ZNF621: variants seen among roughly 807,000 people sequenced by gnomAD.
ZNF621 encodes the protein zinc finger protein 621.
Under a neutral mutation model 12.7 loss-of-function variants are expected in ZNF621, and 6 were observed. The ratio of observed to expected loss-of-function variants is 0.47; its 90% CI spans 0.26 to 0.93. The LOEUF (loss-of-function observed/expected upper bound fraction) is 0.93, where lower values mean the gene tolerates loss of function less well. Among genes scored for constraint, ZNF621 ranks in the 40% least tolerant of loss-of-function variants. The probability of loss-of-function intolerance (pLI) is 0.15; values close to 1 mark genes in which losing one functional copy is unlikely to be tolerated. For missense variants in ZNF621, 474 were observed against 524.0 expected (o/e 0.90, Z 0.93); for synonymous variants, 156 against 190.3 (o/e 0.82, Z 1.48).
chr3:40,532,141 A>G lies in ZNF621; in HGVS notation c.371A>G (p.His124Arg). The change falls in exon 5 of 5, where the codon CAC (histidine) becomes CGC (arginine). Residue 124 changes from histidine (H) to arginine (R), a missense_variant. By Grantham distance (29) the His-to-Arg change is conservative. Coordinates refer to ENST00000339296, the MANE Select transcript of ZNF621 (RefSeq NM_198484.5). ...VGGLLRNVSQHFDFKRKALKQ... is the reference protein window; with the variant it reads ...VGGLLRNVSQRFDFKRKALKQ... ...GGACTTCTCAGGAACGTTTCTCAGC[A>G]CTTTGATTTTAAAAGGAAGGCACTG... 1 of 1,614,210 alleles carries G rather than the reference A, an allele frequency of 6.2e-7. No homozygotes were observed. The highest frequency in any genetic ancestry group is 1.1e-5 in the South Asian group (1 of 91,086).
chr3:40,528,418 A>C (rs1698637812), intron 2 of ZNF621, among the ~76,000 whole-genome samples: 1 of 152,196 alleles, frequency 6.6e-6, no homozygotes, highest in Non-Finnish European at 1.5e-5. Flanking sequence ...GGTTGCTTCC[A>C]AGTTTTGGCG....
intron 2 of ZNF621, 108 bp downstream of exon 2, chr3:40,525,972 T>G (rs1230411801): frequency 1.5e-6 from 2 of 1,303,322 alleles, no homozygotes; most frequent in East Asian, 4.9e-5. Context: ...TTGGCCAAGC[T>G]GTGTTTTCCC....
Position 40,529,367 on chromosome 3 carries a change from T to C in ZNF621, c.73T>C (p.Trp25Arg). ...GGCTGTTTACTTCACCCAGAATCAATGGGCCAGCCTCGACCCTGCGCAGAG... is the reference window on the plus strand; with the variant it reads ...GGCTGTTTACTTCACCCAGAATCAACGGGCCAGCCTCGACCCTGCGCAGAG... ...DVAVYFTQNQ[W>R]ASLDPAQRAL... is the part of the protein sequence containing the mutation. Residue 25 changes from tryptophan (W) to arginine (R), a missense_variant, in exon 3 of 5, where the codon TGG (tryptophan) becomes CGG (arginine). Trp to Arg is a moderately radical substitution (Grantham distance 101). Coordinates refer to ENST00000339296, the MANE Select transcript of ZNF621 (RefSeq NM_198484.5). The C allele has an allele frequency of 6.2e-7, 1 of 1,613,942 alleles. No homozygotes were observed. The highest frequency in any genetic ancestry group is 8.5e-7 in the Non-Finnish European group (1 of 1,179,882).
At position 40,533,211 on chromosome 3, in the gene ZNF621, G is replaced by C. The variant is rs1698781291; in HGVS notation, c.*121G>C. The stretch of plus-strand genomic sequence containing the variant: ...GCTAGAGTGCGGTGGTGTGATCTTG[G>C]CTCACTGCAACCTCCCCCTCCTGGG... On this transcript the variant is annotated 3_prime_UTR_variant, in exon 5 of 5. Coordinates refer to ENST00000339296, the MANE Select transcript of ZNF621 (RefSeq NM_198484.5). 2.8e-6 allele frequency: 4 copies of C among 1,426,674 alleles called. No individual in the cohort carries two copies. The highest frequency in any genetic ancestry group is 2.9e-5 in the African/African-American group (2 of 69,452). 88.4% of individuals were successfully genotyped at this position (1,426,674 alleles called of 1,614,324 possible).
At chr3:40,523,800 A>AAAAAAAAC (rs373747734), upstream of ZNF621, among the ~76,000 whole-genome samples, 51,002 of 147,410 alleles carry the variant, frequency 0.35, 8,804 homozygotes, top group South Asian at 0.4. Context: ...AGCAAAAAAA[A>AAAAAAAAC]AAAAAACAAA....
chr3:40,525,591 G>A, intron 1 of ZNF621, 188 bp from the exon 2 acceptor site: 1 of 620,702 alleles, frequency 1.6e-6, no homozygotes, highest in Non-Finnish European at 2.8e-6. Context: ...GCAGGTGGAA[G>A]ATTGTCCTGA....
intron 2 of ZNF621, among the ~76,000 whole-genome samples, chr3:40,528,944 C>G (rs1231370436): frequency 6.6e-6 from 1 of 152,186 alleles, no homozygotes; most frequent in African/African-American, 2.4e-5. Context: ...TTCTCATTTT[C>G]TTAATGTGTT....
chr3:40,528,856 G>A (rs551896143), intron 2 of ZNF621, among the ~76,000 whole-genome samples: 31 of 152,162 alleles, frequency 2.0e-4, no homozygotes, highest in Non-Finnish European at 4.3e-4. Flanking sequence ...TTCATAAAGA[G>A]TTCTTTGTAC....
upstream of ZNF621, among the ~76,000 whole-genome samples, chr3:40,523,599 A>G (rs1339378662): frequency 9.9e-5 from 15 of 152,160 alleles, 1 homozygote; most frequent in Admixed American, 9.8e-4. Flanking sequence ...ACCCGTCTCT[A>G]CTAAAAATAC....
At chr3:40,529,212 C>T in intron 2 of ZNF621, 107 bp from the exon 3 acceptor site, 1 of 1,376,290 alleles carries the variant, frequency 7.3e-7, no homozygotes, top group Non-Finnish European at 9.9e-7. Context: ...TTACATGGGG[C>T]TCAGAGTTGT....
chr3:40,525,635 G>C, intron 1 of ZNF621, 144 bp from the exon 2 acceptor site: 3 of 680,158 alleles, frequency 4.4e-6, no homozygotes, highest in Non-Finnish European at 5.2e-6. Context: ...GAAGTTTGGG[G>C]CTATCAGCGT....
rs1411113076 is a variant in ZNF621, at chr3:40,539,746, A to G, written c.*6656A>G. 1.3e-5 allele frequency: 2 copies of G among 152,164 alleles called. No homozygotes were observed. The highest frequency in any genetic ancestry group is 1.9e-4 in the East Asian group (1 of 5,190). The allele number at this position is 152,164 out of a possible 1,614,324, so 9.4% of individuals were successfully genotyped here. A position where few individuals can be genotyped will look rare whatever the true frequency, so the allele number is the denominator to read the frequency against. Reference sequence around the variant, plus strand: ...AAAATCATATCATTTAAAAAGCCTGATGATTTAATATTTTTCATAAAGAAA... The same window carrying G: ...AAAATCATATCATTTAAAAAGCCTGGTGATTTAATATTTTTCATAAAGAAA... On this transcript the variant is annotated 3_prime_UTR_variant, in exon 5 of 5. Coordinates refer to ENST00000339296, the MANE Select transcript of ZNF621 (RefSeq NM_198484.5).
chr3:40,530,370 A>G (rs1180259555), intron 4 of ZNF621, 54 bp downstream of exon 4: 15 of 1,429,210 alleles, frequency 1.0e-5, no homozygotes, highest in Non-Finnish European at 9.8e-6. Context: ...CTGGTTTACT[A>G]GGTAAGAAGT....
chr3:40,528,328 T>A (rs1202097846), intron 2 of ZNF621, among the ~76,000 whole-genome samples: 1 of 152,200 alleles, frequency 6.6e-6, no homozygotes, highest in Non-Finnish European at 1.5e-5. Flanking sequence ...GCTTGATAGA[T>A]CGTTTTGTTT....
chr3:40,528,537 A>G (rs1698640134), intron 2 of ZNF621, among the ~76,000 whole-genome samples: 1 of 152,190 alleles, frequency 6.6e-6, no homozygotes, highest in African/African-American at 2.4e-5. Context: ...GCTGGGTTGT[A>G]TGGTAAGAGT....
At position 40,537,955 on chromosome 3, in the gene ZNF621, T is replaced by A. The variant is rs1698908124; in HGVS notation, c.*4865T>A. ...AAGAAGAAACCATCTAGGACTTTCA[T>A]GGAGAAGAGAAGTTAATCCCTGGCT... On this transcript the variant is annotated 3_prime_UTR_variant, in exon 5 of 5. Transcript: ENST00000339296. Among the ~76,000 whole-genome samples, 1 of 152,192 alleles carries A rather than the reference T, an allele frequency of 6.6e-6. No homozygotes were observed. The highest frequency in any genetic ancestry group is 2.1e-4 in the South Asian group (1 of 4,832).
chr3:40,530,635 G>A (rs1056223057), intron 4 of ZNF621, among the ~76,000 whole-genome samples: 19 of 152,192 alleles, frequency 1.2e-4, no homozygotes, highest in African/African-American at 4.6e-4. Flanking sequence ...TTGCAAAGAA[G>A]TGGGGTTTCA....
In ZNF621 at chr3:40,532,883, G is replaced by A. The variant is rs577503728; in HGVS notation, c.1113G>A (p.Gln371=). The change falls in exon 5 of 5, where the codon CAG becomes CAA. Residue 371 remains glutamine (Q), a synonymous_variant. Coordinates refer to ENST00000339296, the MANE Select transcript of ZNF621 (RefSeq NM_198484.5). ...CAGCCATACCTCCTGTTCTTCTCCA[G>A]GGATCCTGTTCTGCTTCAGCCGTAG... ...SSPAIPPVLL[Q]GSCSASAVAV... The A allele has an allele frequency of 3.1e-6, 5 of 1,605,406 alleles. No homozygotes were observed. The African/African-American group carries it at 6.7e-5, about 21-fold the overall frequency.
Position 40,533,294 on chromosome 3 carries a change from C to A in ZNF621, c.*204C>A. ...TAGCTGGGATTACAGGCACGCCTCA[C>A]CACGCCCAGCTAATTTCTGTATTTT... On this transcript the variant is annotated 3_prime_UTR_variant, in exon 5 of 5. Coordinates refer to ENST00000339296, the MANE Select transcript of ZNF621 (RefSeq NM_198484.5). 2.5e-6 allele frequency: 2 copies of A among 787,452 alleles called. No homozygotes were observed. Among genetic ancestry groups the A allele is most frequent in the Non-Finnish European group, 3.8e-6 (2 of 528,006 alleles). The allele number at this position is 787,452 out of a possible 1,614,324, so 48.8% of individuals were successfully genotyped here.
Sources: allele counts gnomAD v4.1 joint callset (sites outside exome capture counted in the v4.1 genomes callset), GRCh38; gene constraint gnomAD v4.1.1; transcripts MANE v1.5; gene names NCBI Gene and HGNC (gene_info 2026-07-23, HGNC 2026-07-21).